Variants in ARHGAP19 observed in about 807,000 individuals in gnomAD.
The protein encoded by ARHGAP19 is Rho GTPase activating protein 19, also known as rho GTPase-activating protein 19.
In ARHGAP19, 48 loss-of-function variants were observed where a neutral mutation model predicts 60.9. The observed-to-expected ratio is 0.79, with a 90% CI of 0.62 to 1.00. The LOEUF is 1.00. ARHGAP19 is among the 50% of genes least tolerant of loss of function. The pLI, the probability that ARHGAP19 is intolerant of heterozygous loss-of-function variation, is 0.00. For synonymous variants in ARHGAP19, 209 were observed against 215.5 expected (o/e 0.97, Z 0.27); for missense variants, 562 against 597.2 (o/e 0.94, Z 0.61).
intron 2 of ARHGAP19, 106 bp from the exon 3 acceptor site, chr10:97,265,012 T>C: frequency 2.4e-6 from 2 of 839,278 alleles, no homozygotes; most frequent in Non-Finnish European, 3.8e-6. Context: ...GCAAGCATTT[T>C]CACATGGTCA....
intron 1 of ARHGAP19, among the ~76,000 whole-genome samples, chr10:97,274,091 A>G (rs1360064506): frequency 6.6e-6 from 1 of 152,208 alleles, no homozygotes; most frequent in Non-Finnish European, 1.5e-5. Context: ...AACTGTAAAG[A>G]GAAGCAGAAA....
chr10:97,281,397 C>T (rs997769426), intron 1 of ARHGAP19, among the ~76,000 whole-genome samples: 4 of 151,972 alleles, frequency 2.6e-5, no homozygotes, highest in Non-Finnish European at 4.4e-5. Flanking sequence ...GAGTGAGACC[C>T]TGTTTCAAAA....
intron 8 of ARHGAP19, among the ~76,000 whole-genome samples, chr10:97,242,324 CTTTT>C (rs1164708198): frequency 3.6e-5 from 2 of 55,796 alleles, no homozygotes. Flanking sequence ...TATCAGTGTT[CTTTT>C]TTTTTTTTTT....
rs1165004686 is a variant in ARHGAP19, at chr10:97,288,504, C to CG, written c.56+4067dup. On this transcript the variant is annotated intron_variant, in intron 1 of 11. Coordinates refer to ENST00000358531, the MANE Select transcript of ARHGAP19 (RefSeq NM_032900.6). ...CTAAGGCAGGAGAATCGCTTGAACT[C>CG]GGGGGGGCAGAGGTTGCAGTGAGCT... is the stretch of plus-strand genomic sequence containing the variant. 9.3e-5 allele frequency among the ~76,000 whole-genome samples: 14 copies of CG among 150,728 alleles called. 1 individual carries two copies. In the South Asian group the frequency reaches 1.3e-3, roughly 14 times the overall value.
intron 4 of ARHGAP19, among the ~76,000 whole-genome samples, chr10:97,260,656 C>T (rs1589464112): frequency 1.3e-5 from 2 of 152,092 alleles, no homozygotes; most frequent in East Asian, 3.8e-4. Context: ...GGCAAAGATG[C>T]AGAGAAAATT....
intron 9 of ARHGAP19, among the ~76,000 whole-genome samples, chr10:97,234,415 TAAAAA>T (rs10592924): frequency 1.4e-4 from 18 of 124,158 alleles, no homozygotes; most frequent in Non-Finnish European, 1.6e-4. Context: ...AAATAAAAAT[TAAAAA>T]AAAAAAAAAA....
intron 1 of ARHGAP19, among the ~76,000 whole-genome samples, chr10:97,267,699 A>C (rs1842915920): frequency 6.6e-6 from 1 of 152,238 alleles, no homozygotes; most frequent in Admixed American, 6.5e-5. Flanking sequence ...AACCACATGT[A>C]AGCTGCCAAG....
In ARHGAP19 at chr10:97,255,577, A is replaced by C. The variant is rs1263645723; in HGVS notation, c.927+741T>G. Among the ~76,000 whole-genome samples the C allele has an allele frequency of 2.0e-5, 3 of 151,594 alleles. No individual in the cohort carries two copies. The East Asian group carries it at 5.8e-4, about 29-fold the overall frequency. On this transcript the variant is annotated intron_variant, in intron 6 of 11. Transcript: ENST00000358531. ...GGGCGACAGAGTGAGACCTTGTCTG[A>C]AAAAAAAAGATGCTAAAATTAAGAG...
chr10:97,273,251 C>T lies in ARHGAP19; in HGVS notation c.57-7126G>A, dbSNP rs536243573. ...AGTCTTGGCTCACTGCAACCTCCAC[C>T]TCCCAGATTCAAGCAATTCTCGTGC... On this transcript the variant is annotated intron_variant, in intron 1 of 11. Coordinates refer to ENST00000358531, the MANE Select transcript of ARHGAP19 (RefSeq NM_032900.6). Among the ~76,000 whole-genome samples, 86 of 152,240 alleles carry T rather than the reference C, an allele frequency of 5.6e-4. No individual in the cohort carries two copies. The South Asian group carries it at 0.017, about 30-fold the overall frequency.
chr10:97,259,593 T>C lies in ARHGAP19; in HGVS notation c.649A>G (p.Asn217Asp). 1 of 1,614,130 alleles carries C rather than the reference T, an allele frequency of 6.2e-7. No individual in the cohort carries two copies. The highest frequency in any genetic ancestry group is 8.5e-7 in the Non-Finnish European group (1 of 1,180,014). Residue 217 changes from asparagine to aspartate, a missense_variant, in exon 5 of 12, where the codon AAT becomes GAT. By Grantham distance (23) the Asn-to-Asp change is conservative. Coordinates refer to ENST00000358531, the MANE Select transcript of ARHGAP19 (RefSeq NM_032900.6). The stretch of plus-strand genomic sequence containing the variant: ...ATTTGCCGGTCCTTGTCTGGTATAT[T>C]GGTCTTGTTTCCTTTATCATCAAAC... ...MQFDDKGNKTNIPDKDRQIEA... is the reference protein window; with the variant it reads ...MQFDDKGNKTDIPDKDRQIEA...
chr10:97,253,927 T>G (rs948266243), intron 6 of ARHGAP19, among the ~76,000 whole-genome samples: 3 of 152,282 alleles, frequency 2.0e-5, no homozygotes, highest in Admixed American at 2.0e-4. Flanking sequence ...TTCAGGCATG[T>G]ACTCAGGGCT....
chr10:97,282,437 TCC>T (rs968650469), intron 1 of ARHGAP19, among the ~76,000 whole-genome samples: 2 of 152,242 alleles, frequency 1.3e-5, no homozygotes, highest in African/African-American at 4.8e-5. Flanking sequence ...ACTTGATTTA[TCC>T]CCTGGACTTT....
At chr10:97,250,549 A>C (rs1842629467) in intron 6 of ARHGAP19, among the ~76,000 whole-genome samples, 1 of 151,590 alleles carries the variant, frequency 6.6e-6, no homozygotes, top group Non-Finnish European at 1.5e-5. Context: ...ACGCCCGGCT[A>C]ATTTTTGTAG....
intron 3 of ARHGAP19, 139 bp from the exon 4 acceptor site, chr10:97,263,768 C>A: frequency 1.3e-6 from 1 of 787,142 alleles, no homozygotes; most frequent in Admixed American, 2.6e-5. Context: ...CTTTTTTCAC[C>A]AGGGTAGTTT....
chr10:97,278,848 T>C (rs2134915281), intron 1 of ARHGAP19, among the ~76,000 whole-genome samples: 1 of 152,294 alleles, frequency 6.6e-6, no homozygotes, highest in South Asian at 2.1e-4. Context: ...GATGTATCTT[T>C]TGGCTGACTA....
chr10:97,278,713 T>C (rs1210270560), intron 1 of ARHGAP19, among the ~76,000 whole-genome samples: 1 of 152,172 alleles, frequency 6.6e-6, no homozygotes, highest in East Asian at 1.9e-4. Flanking sequence ...GTGAAAGGAC[T>C]GGAAACAATC....
At chr10:97,233,036 C>T (rs563714681) in intron 9 of ARHGAP19, among the ~76,000 whole-genome samples, 1 of 152,124 alleles carries the variant, frequency 6.6e-6, no homozygotes, top group East Asian at 1.9e-4. Flanking sequence ...GTAATCCCAG[C>T]TACTAGGGAG....
Position 97,256,302 on chromosome 10 carries a change from G to C in ARHGAP19, c.927+16C>G, listed in dbSNP as rs1842751568. ...TTCTTTGTCCTGTTACCAGCCAAATGCTATCCCTTACCTACCTTAAAAAGT... is the reference window on the plus strand; with the variant it reads ...TTCTTTGTCCTGTTACCAGCCAAATCCTATCCCTTACCTACCTTAAAAAGT... On this transcript the variant is annotated intron_variant, in intron 6 of 11. Coordinates refer to ENST00000358531, the MANE Select transcript of ARHGAP19 (RefSeq NM_032900.6). The C allele has an allele frequency of 6.3e-7, 1 of 1,594,906 alleles. No homozygotes were observed. Among genetic ancestry groups the C allele is most frequent in the East Asian group, 2.2e-5 (1 of 44,776 alleles).
At position 97,226,054 on chromosome 10, in the gene ARHGAP19, G is replaced by A. The variant is rs905375110; in HGVS notation, c.*68C>T. ...AGCTGCAAGTCCAAGCTTTGCTGTG[G>A]GCAGGAATAACACCTGCCCACTAAA... On this transcript the variant is annotated 3_prime_UTR_variant, in exon 12 of 12. Coordinates refer to ENST00000358531, the MANE Select transcript of ARHGAP19 (RefSeq NM_032900.6). 1.9e-6 allele frequency: 3 copies of A among 1,549,894 alleles called. No individual in the cohort carries two copies. Among genetic ancestry groups the A allele is most frequent in the Non-Finnish European group, 1.8e-6 (2 of 1,128,618 alleles).
Sources: allele counts gnomAD v4.1 joint callset (sites outside exome capture counted in the v4.1 genomes callset), GRCh38; gene constraint gnomAD v4.1.1; transcripts MANE v1.5; gene names NCBI Gene and HGNC (gene_info 2026-07-23, HGNC 2026-07-21).